The following UGT2B10 variants were observed in gnomAD, a reference collection of about 807,000 sequenced individuals.
UGT2B10 encodes UDP glucuronosyltransferase family 2 member B10, also known as UDP-glucuronosyltransferase 2B10.
In UGT2B10, 51 loss-of-function variants were observed where a neutral mutation model predicts 43.7. The observed-to-expected ratio is 1.17, with a 90% CI of 0.93 to 1.47. The LOEUF (loss-of-function observed/expected upper bound fraction) is 1.47, where lower values mean the gene tolerates loss of function less well. Ranked by LOEUF, UGT2B10 falls within the 40% of genes most tolerant of loss-of-function variation. The pLI is 0.00. For synonymous variants in UGT2B10, 225 were observed against 209.0 expected (o/e 1.08, Z -0.66); for missense variants, 696 against 617.7 (o/e 1.13, Z -1.34).
chr4:68,822,425 T>C (rs777497303), intron 3 of UGT2B10, 23 bp downstream of exon 3: 95 of 1,610,826 alleles, frequency 5.9e-5, no homozygotes, highest in Non-Finnish European at 7.1e-5. Context: ...GCCTTACTGG[T>C]GTGGAAAACT....
chr4:68,817,081 A>G (rs184556500), intron 1 of UGT2B10, among the ~76,000 whole-genome samples: 2 of 151,964 alleles, frequency 1.3e-5, no homozygotes, highest in East Asian at 3.9e-4. Context: ...CCGAATGCAT[A>G]GATTTAGAAT....
chr4:68,823,779 T>C (rs1456059932), intron 3 of UGT2B10, among the ~76,000 whole-genome samples: 1 of 152,104 alleles, frequency 6.6e-6, no homozygotes, highest in Non-Finnish European at 1.5e-5. Flanking sequence ...AGATATTAGT[T>C]CAAAATCAAA....
Position 68,816,290 on chromosome 4 carries a change from C to A in UGT2B10, c.271C>A (p.Gln91Lys). ...AACTGAATTTGAGAATATCATCATG[C>A]AATTGGTTAAGAGATTGTCAGAAAT... ...TKTEFENIIM[Q>K]LVKRLSEIQK... is the part of the protein sequence containing the mutation. The change falls in exon 1 of 6, where the codon CAA (glutamine) becomes AAA (lysine). Residue 91 changes from glutamine (Q) to lysine (K), a missense_variant. Transcript: ENST00000265403. The A allele has an allele frequency of 2.5e-6, 4 of 1,613,050 alleles. No homozygotes were observed. Among genetic ancestry groups the A allele is most frequent in the Non-Finnish European group, 3.4e-6 (4 of 1,179,424 alleles).
rs182741891 is a variant in UGT2B10, at chr4:68,817,906, A to G, written c.719-123A>G. ...TATTCCTATATATGAATATATGTAC[A>G]TATTTTTCAAAGCACACAAACTTTA... On this transcript the variant is annotated intron_variant, in intron 1 of 5. Coordinates refer to ENST00000265403, the MANE Select transcript of UGT2B10 (RefSeq NM_001075.6). The G allele has an allele frequency of 1.8e-4, 200 of 1,142,130 alleles. No individual in the cohort carries two copies. In the East Asian group the frequency reaches 5.2e-3, roughly 30 times the overall value. The allele number at this position is 1,142,130 out of a possible 1,614,324, so 70.7% of individuals were successfully genotyped here.
chr4:68,821,182 G>T (rs1252033794), intron 2 of UGT2B10, among the ~76,000 whole-genome samples: 2 of 152,144 alleles, frequency 1.3e-5, no homozygotes, highest in Non-Finnish European at 2.9e-5. Context: ...TCTATGTTTT[G>T]TTAAAAACCA....
At chr4:68,823,837 TAA>T (rs1162466976) in intron 3 of UGT2B10, among the ~76,000 whole-genome samples, 3 of 152,092 alleles carry the variant, frequency 2.0e-5, no homozygotes, top group Non-Finnish European at 4.4e-5. Context: ...TCATTGATAA[TAA>T]GTTTGGCATT....
At chr4:68,825,441 A>G (rs1355857362) in intron 3 of UGT2B10, among the ~76,000 whole-genome samples, 1 of 151,952 alleles carries the variant, frequency 6.6e-6, no homozygotes, top group Non-Finnish European at 1.5e-5. Flanking sequence ...TCACCCACGT[A>G]TTAAGACTAA....
At chr4:68,828,723 T>C (rs1011653912) in intron 5 of UGT2B10, among the ~76,000 whole-genome samples, 7 of 151,956 alleles carry the variant, frequency 4.6e-5, no homozygotes, top group African/African-American at 1.7e-4. Context: ...ACAATACACA[T>C]ATATGTATCG....
chr4:68,829,397 G>A (rs1737968438), intron 5 of UGT2B10, among the ~76,000 whole-genome samples: 1 of 151,918 alleles, frequency 6.6e-6, no homozygotes, highest in African/African-American at 2.4e-5. Context: ...TGAACAATAG[G>A]TAAATTGGTA....
intron 2 of UGT2B10, 78 bp from the exon 3 acceptor site, chr4:68,822,193 A>G (rs1737534921): frequency 6.4e-7 from 1 of 1,565,000 alleles, no homozygotes; most frequent in South Asian, 1.2e-5. Flanking sequence ...TCTCTTTAAT[A>G]TTTTGTACCA....
Position 68,818,064 on chromosome 4 carries a change from G to A in UGT2B10, c.754G>A (p.Ala252Thr). The change falls in exon 2 of 6, where the codon GCT becomes ACT. Residue 252 changes from alanine (A) to threonine (T), a missense_variant. Coordinates refer to ENST00000265403, the MANE Select transcript of UGT2B10 (RefSeq NM_001075.6). ...PTTLSETMRK[A>T]DIWLMRNSWN... ...TACATTATCTGAGACAATGAGGAAA[G>A]CTGACATATGGCTTATGCGAAACTC... The A allele has an allele frequency of 1.2e-6, 2 of 1,611,072 alleles. No homozygotes were observed. Among genetic ancestry groups the A allele is most frequent in the Non-Finnish European group, 1.7e-6 (2 of 1,178,336 alleles).
In UGT2B10 at chr4:68,830,480, A is replaced by C. The variant is rs1738031685; in HGVS notation, c.1308-120A>C. 3.2e-6 allele frequency: 4 copies of C among 1,251,350 alleles called. No homozygotes were observed. The East Asian group carries it at 1.1e-4, about 34-fold the overall frequency. 77.5% of individuals were successfully genotyped at this position (1,251,350 alleles called of 1,614,324 possible). Reference sequence around the variant, plus strand: ...ACTCAAATTAAAATACATAAATTCTATATCAATTCTTTGACATTTACTTTG... The same window carrying C: ...ACTCAAATTAAAATACATAAATTCTCTATCAATTCTTTGACATTTACTTTG... On this transcript the variant is annotated intron_variant, in intron 5 of 5. Transcript: ENST00000265403.
rs1168219768 is a variant in UGT2B10, at chr4:68,822,313, G to T, written c.910G>T (p.Val304Leu). ...ACAGAGCTCTGGAGAAAATGGTGTT[G>T]TGGTGTTTTCTCTGGGGTCAATGGT... The part of the protein sequence containing the change: ...FVQSSGENGV[V>L]VFSLGSMVSN... The change falls in exon 3 of 6, where the codon GTG becomes TTG. Residue 304 changes from valine to leucine, a missense_variant. Coordinates refer to ENST00000265403, the MANE Select transcript of UGT2B10 (RefSeq NM_001075.6). 1 of 1,613,410 alleles carries T rather than the reference G, an allele frequency of 6.2e-7. No homozygotes were observed. Among genetic ancestry groups the T allele is most frequent in the South Asian group, 1.1e-5 (1 of 91,046 alleles).
At chr4:68,828,349 A>G (rs114320424) in intron 5 of UGT2B10, among the ~76,000 whole-genome samples, 10,834 of 151,952 alleles carry the variant, frequency 0.071, 774 homozygotes, top group African/African-American at 0.18. Flanking sequence ...TTTTTAATAT[A>G]GATACGTCAT....
intron 5 of UGT2B10, among the ~76,000 whole-genome samples, chr4:68,830,067 T>A (rs934339792): frequency 1.3e-5 from 2 of 152,082 alleles, no homozygotes; most frequent in African/African-American, 4.8e-5. Flanking sequence ...CTTAGAGATG[T>A]TAATTCTCAG....
chr4:68,823,726 C>T lies in UGT2B10; in HGVS notation c.999+1324C>T, dbSNP rs375010875. 1.8e-4 allele frequency among the ~76,000 whole-genome samples: 28 copies of T among 151,994 alleles called. 1 individual carries two copies. Among genetic ancestry groups the T allele is most frequent in the Non-Finnish European group, 3.1e-4 (21 of 67,944 alleles). The stretch of plus-strand genomic sequence containing the variant: ...AATATGACAAATAAAAAAGAAAGTT[C>T]GGGCCTAAAAATTAGAGCTTTTGGG... On this transcript the variant is annotated intron_variant, in intron 3 of 5. Coordinates refer to ENST00000265403, the MANE Select transcript of UGT2B10 (RefSeq NM_001075.6).
chr4:68,817,827 T>C (rs1423217971), intron 1 of UGT2B10, among the ~76,000 whole-genome samples: 1 of 151,770 alleles, frequency 6.6e-6, no homozygotes, highest in Admixed American at 6.6e-5. Context: ...TCCCACTACT[T>C]TGCCTTTCTT....
chr4:68,819,225 TTACTAA>T (rs1354936481), intron 2 of UGT2B10, among the ~76,000 whole-genome samples: 1 of 151,962 alleles, frequency 6.6e-6, no homozygotes, highest in East Asian at 1.9e-4. Flanking sequence ...GGTTATTTTA[TTACTAA>T]TACTACTAAC....
In UGT2B10 at chr4:68,830,890, G is replaced by T; in HGVS notation, c.*11G>T. 6.2e-7 allele frequency: 1 copy of T among 1,609,604 alleles called. No homozygotes were observed. The highest frequency in any genetic ancestry group is 8.5e-7 in the Non-Finnish European group (1 of 1,177,954). ...GGAAAAAGGGATTAGTTATATCTGA[G>T]ATTTGAAGCTGGAAAACCTGATAGA... On this transcript the variant is annotated 3_prime_UTR_variant, in exon 6 of 6. Transcript: ENST00000265403.
Sources: allele counts gnomAD v4.1 joint callset (sites outside exome capture counted in the v4.1 genomes callset), GRCh38; gene constraint gnomAD v4.1.1; transcripts MANE v1.5; gene names NCBI Gene and HGNC (gene_info 2026-07-23, HGNC 2026-07-21).